QKI: variants seen among roughly 807,000 people sequenced by gnomAD.
QKI encodes QKI, KH domain containing RNA binding.
Under a neutral mutation model 39.0 loss-of-function variants are expected in QKI, and 10 were observed. That is an observed-to-expected ratio of 0.26 (90% CI 0.16 to 0.43). The LOEUF is 0.43. QKI is among the 20% of genes least tolerant of loss of function. The pLI is 1.00. For synonymous variants in QKI, 204 were observed against 155.4 expected, an observed-to-expected ratio of 1.31 and a Z score of -2.33; for missense variants, 218 against 428.0, an observed-to-expected ratio of 0.51 and a Z score of 4.33.
intron 1 of QKI, chr6:163,429,147 A>G (rs1306353541): frequency 1.3e-5 from 2 of 152,332 alleles, no homozygotes; most frequent in Admixed American, 6.5e-5. Context: ...TTTTGTCTAT[A>G]CATTTTAAGA....
At chr6:163,450,683 G>C (rs1583010839) in intron 1 of QKI, among the ~76,000 whole-genome samples, 1 of 151,988 alleles carries the variant, frequency 6.6e-6, no homozygotes, top group Non-Finnish European at 1.5e-5. Flanking sequence ...GAGGCAGTAA[G>C]TAGTAACAGG....
chr6:163,519,777 G>A (rs145174752), intron 3 of QKI, among the ~76,000 whole-genome samples: 19 of 151,968 alleles, frequency 1.3e-4, no homozygotes, highest in African/African-American at 4.6e-4. Context: ...ATTAATGATA[G>A]CTTACTTTTT....
intron 2 of QKI, among the ~76,000 whole-genome samples, chr6:163,464,710 A>G (rs1241654170): frequency 6.6e-6 from 1 of 152,202 alleles, no homozygotes; most frequent in Non-Finnish European, 1.5e-5. Context: ...CTCCCAACAA[A>G]TAGAAGCCCA....
chr6:163,529,536 AAG>A (rs1192693655), intron 3 of QKI, among the ~76,000 whole-genome samples: 4 of 152,190 alleles, frequency 2.6e-5, no homozygotes, highest in Non-Finnish European at 4.4e-5. Flanking sequence ...ACAGAAAAAA[AAG>A]AAATAAAAGT....
At chr6:163,506,124 A>AAT (rs939677472) in intron 3 of QKI, among the ~76,000 whole-genome samples, 2 of 151,522 alleles carry the variant, frequency 1.3e-5, no homozygotes, top group African/African-American at 4.9e-5. Context: ...CATGATTTTA[A>AAT]GGTTTCTGAG....
intron 4 of QKI, among the ~76,000 whole-genome samples, chr6:163,560,453 C>T (rs903681086): frequency 6.6e-6 from 1 of 151,828 alleles, no homozygotes. Flanking sequence ...TAGGGATGGC[C>T]CCTGGAGAAG....
chr6:163,557,149 G>A (rs569681225), intron 4 of QKI, among the ~76,000 whole-genome samples: 35 of 152,292 alleles, frequency 2.3e-4, no homozygotes, highest in African/African-American at 7.2e-4. Flanking sequence ...ATGAACTACA[G>A]CGACATGCAG....
chr6:163,509,222 T>C (rs1235017952), intron 3 of QKI, among the ~76,000 whole-genome samples: 2 of 152,068 alleles, frequency 1.3e-5, no homozygotes, highest in East Asian at 1.9e-4. Flanking sequence ...AGTGAAAATA[T>C]CTTAAAAATA....
chr6:163,438,205 AT>A, intron 1 of QKI, among the ~76,000 whole-genome samples: 1 of 152,280 alleles, frequency 6.6e-6, no homozygotes, highest in East Asian at 1.9e-4. Context: ...CCATTTTCAG[AT>A]TTCAGATAAT....
rs1790838635 is a variant in QKI at position 163,455,307 on chromosome 6, C to T, written c.171C>T (p.Tyr57=). ...EEISRVRKDM[Y]NDTLNGSTEK... ...TTAGCAGAGTACGGAAAGACATGTA[C>T]AATGACACATTAAATGGCAGTACAG... Residue 57 remains tyrosine (Y), a synonymous_variant, in exon 2 of 8, where the codon TAC becomes TAT. Coordinates refer to ENST00000361752, the MANE Select transcript of QKI (RefSeq NM_006775.3). 1 of 1,612,872 alleles carries T rather than the reference C, an allele frequency of 6.2e-7. No individual in the cohort carries two copies. Among genetic ancestry groups the T allele is most frequent in the Non-Finnish European group, 8.5e-7 (1 of 1,179,238 alleles).
rs1361532741 is a variant in QKI at position 163,577,639 on chromosome 6, T to C, written c.*6929T>C. ...TGGGCTGTTGATTTTCTTACTCTTC[T>C]CTTGCTTTAATCCTTCCCCCCGGCT... On this transcript the variant is annotated 3_prime_UTR_variant, in exon 8 of 8. Transcript: ENST00000361752. 1 of 152,590 alleles carries C rather than the reference T, an allele frequency of 6.6e-6. No homozygotes were observed. Among genetic ancestry groups the C allele is most frequent in the African/African-American group, 2.4e-5 (1 of 41,434 alleles). 9.5% of individuals were successfully genotyped at this position (152,590 alleles called of 1,614,324 possible).
At chr6:163,536,169 AT>A (rs1350726994) in intron 4 of QKI, among the ~76,000 whole-genome samples, 3 of 151,740 alleles carry the variant, frequency 2.0e-5, no homozygotes, top group Non-Finnish European at 2.9e-5. Context: ...GGTAGATTTT[AT>A]TTTTTTTAAT....
chr6:163,519,969 A>G (rs552504292), intron 3 of QKI, among the ~76,000 whole-genome samples: 7 of 152,316 alleles, frequency 4.6e-5, no homozygotes, highest in African/African-American at 1.7e-4. Context: ...CTTAGGAAAC[A>G]TGGCTTTAAG....
intron 3 of QKI, among the ~76,000 whole-genome samples, chr6:163,487,900 C>T (rs1234089742): frequency 6.6e-6 from 1 of 151,870 alleles, no homozygotes; most frequent in East Asian, 1.9e-4. Context: ...GTGGGAGTTG[C>T]AGAATAGCTA....
chr6:163,468,362 T>G (rs1478930669), intron 2 of QKI, among the ~76,000 whole-genome samples: 1 of 152,192 alleles, frequency 6.6e-6, no homozygotes, highest in East Asian at 1.9e-4. Context: ...TAGGCACAGA[T>G]TACACTTTAT....
chr6:163,428,699 G>A (rs1179391072), intron 1 of QKI, among the ~76,000 whole-genome samples: 1 of 150,322 alleles, frequency 6.7e-6, no homozygotes, highest in Non-Finnish European at 1.5e-5. Context: ...ATTCAGAAGT[G>A]TACTTTAATG....
intron 4 of QKI, among the ~76,000 whole-genome samples, chr6:163,547,044 C>T (rs1781925758): frequency 6.6e-6 from 1 of 151,946 alleles, no homozygotes; most frequent in South Asian, 2.1e-4. Flanking sequence ...TTTTAGTAAC[C>T]TTCTTTGTAG....
intron 3 of QKI, among the ~76,000 whole-genome samples, chr6:163,499,427 A>G (rs1258333422): frequency 2.0e-5 from 3 of 152,208 alleles, no homozygotes; most frequent in African/African-American, 4.8e-5. Context: ...TCCTTTGATG[A>G]TATGATTAAA....
At chr6:163,493,092 T>A (rs946739734) in intron 3 of QKI, among the ~76,000 whole-genome samples, 24 of 152,128 alleles carry the variant, frequency 1.6e-4, no homozygotes, top group East Asian at 5.8e-4. Context: ...CCTGATATAT[T>A]TTGTTTAAGT....
Sources: allele counts gnomAD v4.1 joint callset (sites outside exome capture counted in the v4.1 genomes callset), GRCh38; gene constraint gnomAD v4.1.1; transcripts MANE v1.5; gene names NCBI Gene and HGNC (gene_info 2026-07-23, HGNC 2026-07-21).